The following CEP63 variants were observed in gnomAD, a reference collection of about 807,000 sequenced individuals.
CEP63 encodes the protein centrosomal protein of 63 kDa.
CEP63 carries 84 observed loss-of-function variants against 89.1 expected under a neutral mutation model. That is an observed-to-expected ratio of 0.94 (90% confidence interval 0.79 to 1.13). CEP63 has a LOEUF of 1.13. Among genes scored for constraint, CEP63 ranks in the 50% most tolerant of loss-of-function variants. The pLI, the probability that CEP63 is intolerant of heterozygous loss-of-function variation, is 0.00. For synonymous variants in CEP63, 267 were observed against 272.5 expected (o/e 0.98, Z 0.20); for missense variants, 838 against 813.3 (o/e 1.03, Z -0.37).
chr3:134,730,324 G>A, the CEP63 span, among the ~76,000 whole-genome samples: 5 of 152,148 alleles, frequency 3.3e-5, no homozygotes, highest in South Asian at 2.1e-4. Flanking sequence ...ATATTTAGGC[G>A]AGGCAGGTTG....
At chr3:134,682,871 G>A in the CEP63 span, among the ~76,000 whole-genome samples, 1 of 152,216 alleles carries the variant, frequency 6.6e-6, no homozygotes, top group Non-Finnish European at 1.5e-5. Context: ...AGCAGGAATG[G>A]GAGAATGGAT....
At chr3:134,530,652 C>T (rs747206937) in intron 3 of CEP63, among the ~76,000 whole-genome samples, 20 of 152,046 alleles carry the variant, frequency 1.3e-4, no homozygotes, top group Non-Finnish European at 2.2e-4. Flanking sequence ...TTCCTTTCAT[C>T]CAGAAATTCA....
At chr3:134,647,371 C>A in the CEP63 span, 1 of 1,285,140 alleles carries the variant, frequency 7.8e-7, no homozygotes, top group South Asian at 1.3e-5. Flanking sequence ...GAGTGAAACC[C>A]AATTCTTCCA....
intron 3 of CEP63, among the ~76,000 whole-genome samples, chr3:134,511,921 G>A (rs1945058859): frequency 6.6e-6 from 1 of 152,146 alleles, no homozygotes; most frequent in Non-Finnish European, 1.5e-5. Flanking sequence ...TGTTTGAAAG[G>A]TACAGACCTA....
At chr3:134,610,287 C>T in the CEP63 span, 2 of 1,613,920 alleles carry the variant, frequency 1.2e-6, no homozygotes, top group Non-Finnish European at 1.7e-6. Context: ...ACACAGCATT[C>T]CAGGCATGGT....
chr3:134,658,095 A>G, the CEP63 span, among the ~76,000 whole-genome samples: 2 of 152,026 alleles, frequency 1.3e-5, no homozygotes, highest in Non-Finnish European at 2.9e-5. Context: ...ACGGGGTTTC[A>G]CTGTGTTAGC....
the CEP63 span, among the ~76,000 whole-genome samples, chr3:134,623,826 C>G: frequency 6.6e-6 from 1 of 152,166 alleles, no homozygotes; most frequent in Admixed American, 6.5e-5. Context: ...CCCCAGGGAG[C>G]CCCTCCCTGG....
At chr3:134,646,557 T>C in the CEP63 span, among the ~76,000 whole-genome samples, 1 of 152,216 alleles carries the variant, frequency 6.6e-6, no homozygotes. Flanking sequence ...GTGAACAGAA[T>C]GAGTGAATGA....
chr3:134,648,830 G>C, the CEP63 span, among the ~76,000 whole-genome samples: 1 of 152,168 alleles, frequency 6.6e-6, no homozygotes. Context: ...TTCTGACATG[G>C]AGCCTAGGCC....
Position 134,536,709 on chromosome 3 carries a change from C to G in CEP63, c.442-446C>G, listed in dbSNP as rs188213029. The stretch of plus-strand genomic sequence containing the variant: ...TACTGGGAAGTAAGATTTGGGTTAC[C>G]AAGGGACTTATCTGAAAATTTAATC... On this transcript the variant is annotated intron_variant, in intron 5 of 14. Coordinates refer to ENST00000675561, the MANE Select transcript of CEP63 (RefSeq NM_001353108.3). 4.7e-5 allele frequency: 11 copies of G among 233,942 alleles called. 1 individual carries two copies. Among genetic ancestry groups the G allele is most frequent in the Admixed American group, 4.1e-4 (8 of 19,326 alleles). 14.5% of individuals were successfully genotyped at this position (233,942 alleles called of 1,614,324 possible). A position where few individuals can be genotyped will look rare whatever the true frequency, so the allele number is the denominator to read the frequency against.
chr3:134,525,656 G>A (rs1311145931), intron 3 of CEP63, among the ~76,000 whole-genome samples: 1 of 152,178 alleles, frequency 6.6e-6, no homozygotes, highest in East Asian at 1.9e-4. Context: ...TGTAGTGGCT[G>A]TTAATGCTCT....
At chr3:134,507,417 CTG>C in intron 3 of CEP63, 131 bp downstream of exon 3, 1 of 667,798 alleles carries the variant, frequency 1.5e-6, no homozygotes, top group Non-Finnish European at 2.5e-6. Flanking sequence ...TATAATTCTG[CTG>C]TTTTATTTTA....
chr3:134,652,124 G>T, the CEP63 span, among the ~76,000 whole-genome samples: 2 of 152,098 alleles, frequency 1.3e-5, no homozygotes, highest in African/African-American at 4.8e-5. Flanking sequence ...CTTCCTGGCT[G>T]TGTGACCTTG....
At chr3:134,502,271 T>C (rs971487095) in intron 2 of CEP63, among the ~76,000 whole-genome samples, 1 of 148,056 alleles carries the variant, frequency 6.8e-6, no homozygotes, top group Non-Finnish European at 1.5e-5. Context: ...TCATTAGGGA[T>C]ATTGGTCTGT....
At chr3:134,739,028 T>TA in the CEP63 span, among the ~76,000 whole-genome samples, 1 of 151,170 alleles carries the variant, frequency 6.6e-6, no homozygotes, top group Non-Finnish European at 1.5e-5. Context: ...GGAACCCTCA[T>TA]ACACTGTTGG....
At chr3:134,590,371 A>G (rs753969822), downstream of CEP63, among the ~76,000 whole-genome samples, 21 of 152,360 alleles carry the variant, frequency 1.4e-4, no homozygotes, top group Non-Finnish European at 2.5e-4. Context: ...TCAATGCATG[A>G]CAATAGTTCT....
At chr3:134,610,534 T>C in the CEP63 span, 4 of 657,320 alleles carry the variant, frequency 6.1e-6, no homozygotes, top group Non-Finnish European at 1.0e-5. Flanking sequence ...ATAAACAGCC[T>C]TGATGGCTTT....
At chr3:134,640,000 G>A in the CEP63 span, 1 of 157,866 alleles carries the variant, frequency 6.3e-6, no homozygotes, top group Non-Finnish European at 1.3e-5. Flanking sequence ...CTTTGCAGGG[G>A]CTCCTTGTGA....
chr3:134,565,066 T>G (rs1957691927), downstream of CEP63: 1 of 683,622 alleles, frequency 1.5e-6, no homozygotes. Flanking sequence ...TTTTCCAAAA[T>G]CTGTCCGTGA....
Sources: allele counts gnomAD v4.1 joint callset (sites outside exome capture counted in the v4.1 genomes callset), GRCh38; gene constraint gnomAD v4.1.1; transcripts MANE v1.5; gene names NCBI Gene and HGNC (gene_info 2026-07-23, HGNC 2026-07-21).